The following ZNF462 variants were observed in gnomAD, a reference collection of about 807,000 sequenced individuals.
The protein encoded by ZNF462 is zinc finger PBX1-interacting protein.
ZNF462 carries 10 observed loss-of-function variants against 201.9 expected under a neutral mutation model. That is an observed-to-expected ratio of 0.05 (90% CI 0.03 to 0.08). ZNF462 has a LOEUF of 0.08. Among genes scored for constraint, ZNF462 ranks in the 10% least tolerant of loss-of-function variants. The pLI is 1.00. For synonymous variants in ZNF462, 1,227 were observed against 1,193.3 expected (o/e 1.03, Z -0.58); for missense variants, 2,523 against 3,168.3 (o/e 0.80, Z 4.89).
In ZNF462 at chr9:106,924,668, C is replaced by A. The variant is rs751673649; in HGVS notation, c.756C>A (p.Thr252=). The A allele has an allele frequency of 1.2e-6, 2 of 1,614,060 alleles. No individual in the cohort carries two copies. Among genetic ancestry groups the A allele is most frequent in the Non-Finnish European group, 1.7e-6 (2 of 1,180,000 alleles). ...GTTGTGAGTGGTGCAGCTACCAGAC[C>A]CCCCGCCGAGAACGCTGGTGTGACC... The part of the protein sequence containing the change: ...NFCCEWCSYQ[T]PRRERWCDHM... Residue 252 remains threonine, a synonymous_variant, in exon 3 of 13, where the codon ACC becomes ACA. Coordinates refer to ENST00000277225, the MANE Select transcript of ZNF462 (RefSeq NM_021224.6). The surrounding 1 kb of genome is among the most constrained non-coding windows in gnomAD (Gnocchi z 6.2).
chr9:106,971,961 C>T (rs1157708671), intron 7 of ZNF462, 44 bp from the exon 8 acceptor site: 2 of 1,583,674 alleles, frequency 1.3e-6, no homozygotes, highest in South Asian at 1.2e-5. Context: ...CGATCACCTA[C>T]TGTGTTCTCT....
In ZNF462 at chr9:106,923,180, C is replaced by A. The variant is rs10978677; in HGVS notation, c.-30-174C>A. Reference sequence around the variant, plus strand: ...TTTGAAGTTATGAGGTCAAGGACATCATCTCCATTATGTCTGATTGCCTCT... The same window carrying A: ...TTTGAAGTTATGAGGTCAAGGACATAATCTCCATTATGTCTGATTGCCTCT... On this transcript the variant is annotated intron_variant, in intron 1 of 12. Coordinates refer to ENST00000277225, the MANE Select transcript of ZNF462 (RefSeq NM_021224.6). This position sits in a 1 kb window ranked among gnomAD's most constrained non-coding sequence, Gnocchi z 5.6. 0.12 allele frequency among the ~76,000 whole-genome samples: 19,010 copies of A among 152,250 alleles called. 1,259 individuals are homozygous for A. The highest frequency in any genetic ancestry group is 0.19 in the South Asian group (897 of 4,824).
In ZNF462 at chr9:106,935,323, T is replaced by G. The variant is rs770002985; in HGVS notation, c.6117-180T>G. On this transcript the variant is annotated intron_variant, in intron 5 of 12. Coordinates refer to ENST00000277225, the MANE Select transcript of ZNF462 (RefSeq NM_021224.6). This position sits in a 1 kb window ranked among gnomAD's most constrained non-coding sequence, Gnocchi z 4.1. ...TCTCTTCCTTTAGCTTCCTGTCCTC[T>G]TAGAGTAGGTACAACTCTTGAAAAT... is the stretch of plus-strand genomic sequence containing the variant. 3.9e-5 allele frequency among the ~76,000 whole-genome samples: 6 copies of G among 152,198 alleles called. No homozygotes were observed. The highest frequency in any genetic ancestry group is 7.3e-5 in the Non-Finnish European group (5 of 68,044).
intron 7 of ZNF462, among the ~76,000 whole-genome samples, chr9:106,961,503 G>C (rs1392578999): frequency 6.6e-6 from 1 of 151,880 alleles, no homozygotes; most frequent in Non-Finnish European, 1.5e-5. Flanking sequence ...TTTAAATCTG[G>C]GTTTTCCAGA....
At chr9:106,959,887 C>G (rs543015591) in intron 7 of ZNF462, among the ~76,000 whole-genome samples, 1 of 152,142 alleles carries the variant, frequency 6.6e-6, no homozygotes, top group Non-Finnish European at 1.5e-5. Context: ...GGCAGCATTT[C>G]TGTGGGGTGA....
At chr9:106,874,472 T>C (rs1310645904) in intron 1 of ZNF462, among the ~76,000 whole-genome samples, 1 of 152,192 alleles carries the variant, frequency 6.6e-6, no homozygotes, top group Non-Finnish European at 1.5e-5. Context: ...TGCGAACACA[T>C]TCAATTTGAG....
chr9:106,919,215 A>G lies in ZNF462; in HGVS notation c.-30-4139A>G, dbSNP rs1286488979. On this transcript the variant is annotated intron_variant, in intron 1 of 12. Coordinates refer to ENST00000277225, the MANE Select transcript of ZNF462 (RefSeq NM_021224.6). This position sits in a 1 kb window ranked among gnomAD's most constrained non-coding sequence, Gnocchi z 4.5. ...ATGCTCCTGGGCCCTCAAACTAAAG[A>G]GCAGTGTTTGCCAAGCTGACCTGGA... is the stretch of plus-strand genomic sequence containing the variant. Among the ~76,000 whole-genome samples, 4 of 152,202 alleles carry G rather than the reference A, an allele frequency of 2.6e-5. No individual in the cohort carries two copies. Among genetic ancestry groups the G allele is most frequent in the Admixed American group, 2.0e-4 (3 of 15,286 alleles).
intron 1 of ZNF462, among the ~76,000 whole-genome samples, chr9:106,877,110 G>A (rs1827864348): frequency 6.6e-6 from 1 of 152,094 alleles, no homozygotes; most frequent in Non-Finnish European, 1.5e-5. Flanking sequence ...GAATGGTGTT[G>A]GTAGGGCCTA....
chr9:106,958,776 G>A (rs2131866941), intron 7 of ZNF462, among the ~76,000 whole-genome samples: 1 of 152,234 alleles, frequency 6.6e-6, no homozygotes, highest in East Asian at 1.9e-4. Context: ...CACTGTAGAT[G>A]ACGTGGCAAG....
Position 106,938,790 on chromosome 9 carries a change from A to G in ZNF462, c.6236-126A>G. On this transcript the variant is annotated intron_variant, in intron 6 of 12. Coordinates refer to ENST00000277225, the MANE Select transcript of ZNF462 (RefSeq NM_021224.6). This position sits in a 1 kb window ranked among gnomAD's most constrained non-coding sequence, Gnocchi z 4.4. ...GGTTGTTGGTCTGTGAGGTTCGTTC[A>G]TAGAACATGAAGCTTGAGATGCGCT... The G allele has an allele frequency of 4.8e-6, 5 of 1,042,370 alleles. No homozygotes were observed. The highest frequency in any genetic ancestry group is 5.1e-5 in the Admixed American group (2 of 39,098). The allele number at this position is 1,042,370 out of a possible 1,614,324, so 64.6% of individuals were successfully genotyped here. A position where few individuals can be genotyped will look rare whatever the true frequency, so the allele number is the denominator to read the frequency against.
intron 7 of ZNF462, among the ~76,000 whole-genome samples, chr9:106,940,113 G>A (rs1005907204): frequency 1.3e-5 from 2 of 152,182 alleles, no homozygotes; most frequent in East Asian, 3.9e-4. Context: ...TTCTCTCGAT[G>A]ATGGTCACGT....
At chr9:106,951,898 C>T (rs1025205300) in intron 7 of ZNF462, among the ~76,000 whole-genome samples, 9 of 150,060 alleles carry the variant, frequency 6.0e-5, no homozygotes, top group Admixed American at 4.7e-4. Context: ...GGTGCTGTAG[C>T]GGCATCAAGT....
At chr9:106,994,028 G>T (rs1409775041) in intron 10 of ZNF462, among the ~76,000 whole-genome samples, 2 of 152,000 alleles carry the variant, frequency 1.3e-5, no homozygotes, top group Non-Finnish European at 2.9e-5. Flanking sequence ...CCTTGTTAGT[G>T]TTCTTTATGG....
Position 106,895,713 on chromosome 9 carries a change from C to T in ZNF462, c.-30-27641C>T, listed in dbSNP as rs1363747666. ...TTGGAGGTCCTGTTGTCTTTCTTTG[C>T]TAAAACCTATGTTAGTTCTAGTGAC... On this transcript the variant is annotated intron_variant, in intron 1 of 12. Coordinates refer to ENST00000277225, the MANE Select transcript of ZNF462 (RefSeq NM_021224.6). This position sits in a 1 kb window ranked among gnomAD's most constrained non-coding sequence, Gnocchi z 4.4. 2.6e-5 allele frequency among the ~76,000 whole-genome samples: 4 copies of T among 152,162 alleles called. No homozygotes were observed. The highest frequency in any genetic ancestry group is 9.7e-5 in the African/African-American group (4 of 41,442).
At chr9:106,944,206 T>C (rs1261860816) in intron 7 of ZNF462, among the ~76,000 whole-genome samples, 2 of 152,224 alleles carry the variant, frequency 1.3e-5, no homozygotes, top group East Asian at 1.9e-4. Context: ...TAATTTGTTC[T>C]CTGTGTCTCT....
At chr9:106,862,628 C>T (rs1012380628), upstream of ZNF462, among the ~76,000 whole-genome samples, 2 of 152,106 alleles carry the variant, frequency 1.3e-5, no homozygotes, top group Admixed American at 6.5e-5. The surrounding 1 kb of genome is among the most constrained non-coding windows in gnomAD (Gnocchi z 4.2). Flanking sequence ...GCCACCTCCT[C>T]CTCTTGCATC....
At position 106,867,330 on chromosome 9, in the gene ZNF462, T is replaced by C. The variant is rs1306892598; in HGVS notation, c.-31+3975T>C. Among the ~76,000 whole-genome samples, 5 of 152,332 alleles carry C rather than the reference T, an allele frequency of 3.3e-5. No homozygotes were observed. The East Asian group carries it at 9.6e-4, about 29-fold the overall frequency. ...TCAAAGCTCAAAGATCATTTTTGTT[T>C]ATGAGACAAGTTCATGTGGCTTATT... is the stretch of plus-strand genomic sequence containing the variant. On this transcript the variant is annotated intron_variant, in intron 1 of 12. Transcript: ENST00000277225.
chr9:106,863,354 C>T lies in ZNF462; in HGVS notation c.-32C>T, dbSNP rs1404009858. On this transcript the variant is annotated splice_region_variant and 5_prime_UTR_variant, in exon 1 of 13. Transcript: ENST00000277225. ...ACCTCCCGGCGCCGGGACGCTTCTTCTGTAAGTTACTGCAATTAACAACCA... is the reference window on the plus strand; with the variant it reads ...ACCTCCCGGCGCCGGGACGCTTCTTTTGTAAGTTACTGCAATTAACAACCA... 1.5e-5 allele frequency: 6 copies of T among 396,138 alleles called. No homozygotes were observed. The highest frequency in any genetic ancestry group is 3.6e-5 in the East Asian group (1 of 27,906). 24.5% of individuals were successfully genotyped at this position (396,138 alleles called of 1,614,324 possible).
chr9:106,906,350 A>G (rs1320918328), intron 1 of ZNF462, among the ~76,000 whole-genome samples: 3 of 152,154 alleles, frequency 2.0e-5, no homozygotes, highest in Non-Finnish European at 4.4e-5. Context: ...AAAATTCACA[A>G]TGCAAGCCTC....
Sources: allele counts gnomAD v4.1 joint callset (sites outside exome capture counted in the v4.1 genomes callset), GRCh38; gene constraint gnomAD v4.1.1; non-coding constraint Gnocchi (gnomAD v3.1); transcripts MANE v1.5; gene names NCBI Gene and HGNC (gene_info 2026-07-23, HGNC 2026-07-21).